The following ARB2A variants were observed in gnomAD, a reference collection of about 807,000 sequenced individuals.
The protein encoded by ARB2A is cotranscriptional regulator ARB2A.
At chr5:93,705,651 G>GTGTGTGTATATA in the ARB2A span, among the ~76,000 whole-genome samples, 4 of 132,872 alleles carry the variant, frequency 3.0e-5, no homozygotes, top group African/African-American at 1.1e-4. Flanking sequence ...GTGTGTGTGT[G>GTGTGTGTATATA]TATATATATA....
the ARB2A span, among the ~76,000 whole-genome samples, chr5:93,834,969 G>A: frequency 6.6e-6 from 1 of 152,154 alleles, no homozygotes; most frequent in African/African-American, 2.4e-5. Flanking sequence ...AGTGCATTTT[G>A]TATTGAGCAA....
chr5:94,105,220 T>A, the ARB2A span, among the ~76,000 whole-genome samples: 1 of 152,084 alleles, frequency 6.6e-6, no homozygotes, highest in East Asian at 1.9e-4. Flanking sequence ...ACAGATGATA[T>A]GATTCTACAC....
the ARB2A span, among the ~76,000 whole-genome samples, chr5:94,070,412 A>T: frequency 3.3e-5 from 5 of 152,082 alleles, no homozygotes; most frequent in African/African-American, 1.2e-4. Context: ...GATAAGTTCT[A>T]ATGTTCAATA....
At chr5:94,045,770 A>G in the ARB2A span, among the ~76,000 whole-genome samples, 3 of 152,236 alleles carry the variant, frequency 2.0e-5, no homozygotes, top group Non-Finnish European at 2.9e-5. Context: ...ATGCAGAGTG[A>G]TAAGTAGCAT....
the ARB2A span, among the ~76,000 whole-genome samples, chr5:93,951,284 T>C: frequency 6.6e-6 from 1 of 152,224 alleles, no homozygotes; most frequent in African/African-American, 2.4e-5. Context: ...CTGTGGGTTG[T>C]CTCTCCACTT....
At chr5:93,740,596 A>C in the ARB2A span, 3 of 1,598,188 alleles carry the variant, frequency 1.9e-6, no homozygotes, top group Middle Eastern at 1.7e-4. Flanking sequence ...GAGGAGGCCC[A>C]GAGTGGTGGC....
chr5:93,966,973 C>T, the ARB2A span, among the ~76,000 whole-genome samples: 1 of 151,594 alleles, frequency 6.6e-6, no homozygotes, highest in African/African-American at 2.4e-5. Context: ...CCTCTCTGTC[C>T]ATCCTGTCTA....
the ARB2A span, among the ~76,000 whole-genome samples, chr5:94,110,578 A>C: frequency 2.0e-5 from 3 of 152,210 alleles, no homozygotes; most frequent in Non-Finnish European, 4.4e-5. Flanking sequence ...AACGAAGCAG[A>C]TCCAAAAATA....
At chr5:93,677,764 G>A in the ARB2A span, among the ~76,000 whole-genome samples, 2 of 152,136 alleles carry the variant, frequency 1.3e-5, no homozygotes, top group Admixed American at 1.3e-4. Context: ...CCCACCAATT[G>A]AGCCTTATGC....
chr5:93,865,910 A>G, the ARB2A span: 6 of 985,350 alleles, frequency 6.1e-6, no homozygotes, highest in Middle Eastern at 5.2e-4. Flanking sequence ...CCTTATCGCT[A>G]TGAGGGCTGC....
At chr5:93,906,083 C>A in the ARB2A span, among the ~76,000 whole-genome samples, 1 of 151,456 alleles carries the variant, frequency 6.6e-6, no homozygotes, top group Non-Finnish European at 1.5e-5. Flanking sequence ...AATCAACCAA[C>A]GTAGCAATGA....
At chr5:93,710,485 T>C in the ARB2A span, among the ~76,000 whole-genome samples, 2 of 152,148 alleles carry the variant, frequency 1.3e-5, no homozygotes, top group Admixed American at 1.3e-4. Flanking sequence ...AGTCAGAAAA[T>C]ACTAAGTGAT....
At chr5:93,653,556 A>AAAAAAAAAAAAAAAAAAAAT in the ARB2A span, among the ~76,000 whole-genome samples, 1 of 127,582 alleles carries the variant, frequency 7.8e-6, no homozygotes, top group Non-Finnish European at 1.6e-5. Context: ...AAAAAAAAAA[A>AAAAAAAAAAAAAAAAAAAAT]GACATTAATT....
At chr5:93,848,146 A>AG in the ARB2A span, among the ~76,000 whole-genome samples, 1 of 152,176 alleles carries the variant, frequency 6.6e-6, no homozygotes, top group African/African-American at 2.4e-5. Flanking sequence ...GCACTGTGGG[A>AG]GGCCAAGGCA....
the ARB2A span, chr5:93,741,753 A>G: frequency 8.1e-6 from 5 of 615,014 alleles, no homozygotes; most frequent in Non-Finnish European, 1.4e-5. Context: ...TAAGGGAGTG[A>G]GCCCCCTACC....
the ARB2A span, among the ~76,000 whole-genome samples, chr5:94,098,714 A>G: frequency 4.6e-5 from 7 of 152,170 alleles, no homozygotes; most frequent in African/African-American, 1.7e-4. Flanking sequence ...GAAAAAAATA[A>G]TAAAATAGGC....
chr5:93,691,371 C>T, the ARB2A span, among the ~76,000 whole-genome samples: 3 of 151,586 alleles, frequency 2.0e-5, no homozygotes, highest in South Asian at 4.2e-4. Context: ...ACAAGAACTT[C>T]GTGAAGCATA....
the ARB2A span, among the ~76,000 whole-genome samples, chr5:93,983,996 TC>T: frequency 6.6e-6 from 1 of 152,126 alleles, no homozygotes; most frequent in Non-Finnish European, 1.5e-5. Flanking sequence ...ATCCTGTACT[TC>T]ACGAAAAGTA....
the ARB2A span, among the ~76,000 whole-genome samples, chr5:93,808,046 A>T: frequency 6.6e-6 from 1 of 152,000 alleles, no homozygotes; most frequent in African/African-American, 2.4e-5. Context: ...CCAGGGCCTT[A>T]TGCAAATAGA....
Sources: allele counts gnomAD v4.1 joint callset (sites outside exome capture counted in the v4.1 genomes callset), GRCh38; gene constraint gnomAD v4.1.1; transcripts MANE v1.5; gene names NCBI Gene and HGNC (gene_info 2026-07-23, HGNC 2026-07-21).